The following PKP4 variants were observed in gnomAD, a reference collection of about 807,000 sequenced individuals.
PKP4 encodes plakophilin 4.
PKP4 carries 90 observed loss-of-function variants against 145.1 expected under a neutral mutation model. The ratio of observed to expected loss-of-function variants is 0.62; its 90% CI spans 0.52 to 0.74. PKP4 has a LOEUF of 0.74. PKP4 is among the 30% of genes least tolerant of loss of function. The pLI is 0.00. For missense variants in PKP4, 1,340 were observed against 1,482.7 expected (o/e 0.90, Z 1.58); for synonymous variants, 563 against 577.2 (o/e 0.98, Z 0.35).
chr2:158,469,812 C>T (rs1190257909), intron 1 of PKP4, among the ~76,000 whole-genome samples: 3 of 152,162 alleles, frequency 2.0e-5, no homozygotes, highest in Non-Finnish European at 4.4e-5. Flanking sequence ...GATATAACCT[C>T]AGCACTATTT....
intron 2 of PKP4, among the ~76,000 whole-genome samples, chr2:158,549,836 G>GT (rs1218491562): frequency 1.3e-5 from 2 of 152,030 alleles, no homozygotes; most frequent in Non-Finnish European, 2.9e-5. Flanking sequence ...CATAAAACAT[G>GT]TTTTTTTCCA....
intron 4 of PKP4, among the ~76,000 whole-genome samples, chr2:158,609,985 G>C (rs2050989858): frequency 6.6e-6 from 1 of 152,062 alleles, no homozygotes; most frequent in Admixed American, 6.6e-5. Flanking sequence ...TATTTTCTCA[G>C]GTCTTTAAAC....
Position 158,643,312 on chromosome 2 carries a change from A to T in PKP4, c.1909+613A>T, listed in dbSNP as rs564133324. 3.3e-5 allele frequency among the ~76,000 whole-genome samples: 5 copies of T among 152,248 alleles called. No individual in the cohort carries two copies. The South Asian group carries it at 1.0e-3, about 32-fold the overall frequency. On this transcript the variant is annotated intron_variant, in intron 11 of 21. Coordinates refer to ENST00000389759, the MANE Select transcript of PKP4 (RefSeq NM_003628.6). ...CATGAAACTGAAGTTGGCCTAAGGG[A>T]TGAGGAAGCATTGGCTGGATAGGCA...
intron 1 of PKP4, among the ~76,000 whole-genome samples, chr2:158,505,898 A>T (rs1420230841): frequency 6.6e-6 from 1 of 152,070 alleles, no homozygotes; most frequent in Non-Finnish European, 1.5e-5. Flanking sequence ...CCACCAGCAG[A>T]TCTGGTGAAG....
At chr2:158,546,407 C>T (rs1396900396) in intron 2 of PKP4, among the ~76,000 whole-genome samples, 1 of 152,176 alleles carries the variant, frequency 6.6e-6, no homozygotes, top group Non-Finnish European at 1.5e-5. Flanking sequence ...TTAGATGGCA[C>T]AAATAGTAAG....
At chr2:158,468,485 T>G (rs976187558) in intron 1 of PKP4, among the ~76,000 whole-genome samples, 1 of 152,226 alleles carries the variant, frequency 6.6e-6, no homozygotes, top group African/African-American at 2.4e-5. Context: ...CAGGCACATT[T>G]AATTTTCTAT....
At chr2:158,673,846 T>G in intron 18 of PKP4, 37 bp from the exon 19 acceptor site, 1 of 1,495,604 alleles carries the variant, frequency 6.7e-7, no homozygotes, top group South Asian at 1.1e-5. Flanking sequence ...ATGTCATTAT[T>G]CATTTTGAGA....
chr2:158,582,110 C>T (rs891627975), intron 3 of PKP4, among the ~76,000 whole-genome samples: 1 of 152,114 alleles, frequency 6.6e-6, no homozygotes, highest in African/African-American at 2.4e-5. Context: ...GCAGTTGTAG[C>T]CTTTCTTCAT....
chr2:158,584,321 G>A (rs1417317442), intron 3 of PKP4, among the ~76,000 whole-genome samples: 1 of 152,222 alleles, frequency 6.6e-6, no homozygotes, highest in African/African-American at 2.4e-5. Flanking sequence ...ATTCCCAAGT[G>A]CTGAATACCT....
chr2:158,581,458 G>A (rs755131433), intron 3 of PKP4, among the ~76,000 whole-genome samples: 5 of 152,148 alleles, frequency 3.3e-5, no homozygotes, highest in African/African-American at 4.8e-5. Context: ...AAAGGAAAAC[G>A]AAAAGCATTT....
intron 19 of PKP4, among the ~76,000 whole-genome samples, 156 bp downstream of exon 19, chr2:158,674,156 A>G (rs527703271): frequency 6.6e-6 from 1 of 152,256 alleles, no homozygotes; most frequent in South Asian, 2.1e-4. Context: ...ACCATTATAA[A>G]CCACAAGCCC....
intron 2 of PKP4, among the ~76,000 whole-genome samples, chr2:158,553,526 C>A (rs1181882176): frequency 6.6e-6 from 1 of 152,140 alleles, no homozygotes; most frequent in Non-Finnish European, 1.5e-5. Context: ...TGTTAGACTT[C>A]CCAAACTGTA....
intron 1 of PKP4, among the ~76,000 whole-genome samples, chr2:158,506,808 C>T (rs962699581): frequency 5.3e-5 from 8 of 152,114 alleles, no homozygotes; most frequent in Non-Finnish European, 7.4e-5. Flanking sequence ...AACTTTTACC[C>T]GATTCCCTCA....
rs1386899086 is a variant in PKP4, at chr2:158,673,985, C to T, written c.3112C>T (p.Pro1038Ser). The change falls in exon 19 of 22, where the codon CCC (proline) becomes TCC (serine). Residue 1038 changes from proline to serine, a missense_variant. Coordinates refer to ENST00000389759, the MANE Select transcript of PKP4 (RefSeq NM_003628.6). Reference protein sequence around the residue: ...SLSTTNQQMSPIIQSVGSTSS... With the variant: ...SLSTTNQQMSSIIQSVGSTSS... ...GTCTACCACCAACCAACAGATGTCA[C>T]CCATCATTCAGTCAGGTCAGTGGGA... The T allele has an allele frequency of 6.3e-7, 1 of 1,591,832 alleles. No homozygotes were observed. Among genetic ancestry groups the T allele is most frequent in the Non-Finnish European group, 8.6e-7 (1 of 1,159,554 alleles).
intron 1 of PKP4, among the ~76,000 whole-genome samples, chr2:158,480,662 TAAG>T: frequency 6.6e-6 from 1 of 152,026 alleles, no homozygotes; most frequent in South Asian, 2.1e-4. Context: ...ATTATATAAA[TAAG>T]AAATTAATAG....
intron 3 of PKP4, among the ~76,000 whole-genome samples, chr2:158,581,995 A>G (rs1478400825): frequency 6.6e-6 from 1 of 152,224 alleles, no homozygotes; most frequent in Non-Finnish European, 1.5e-5. Context: ...ATGAACTTTC[A>G]TCTGAAGTTG....
At chr2:158,537,342 T>C (rs1286571869) in intron 2 of PKP4, among the ~76,000 whole-genome samples, 5 of 152,218 alleles carry the variant, frequency 3.3e-5, no homozygotes, top group Admixed American at 2.0e-4. Flanking sequence ...CTGTCCAATT[T>C]AGTCGAAAGT....
intron 7 of PKP4, among the ~76,000 whole-genome samples, chr2:158,626,215 G>C (rs912588210): frequency 6.6e-6 from 1 of 152,154 alleles, no homozygotes; most frequent in African/African-American, 2.4e-5. Flanking sequence ...GTGGCTTTCA[G>C]AATGTTTCTT....
intron 4 of PKP4, among the ~76,000 whole-genome samples, chr2:158,606,641 A>G (rs552245932): frequency 6.6e-6 from 1 of 152,334 alleles, no homozygotes; most frequent in African/African-American, 2.4e-5. Flanking sequence ...TGTGTTACAT[A>G]CAGTTTTTTT....
Sources: allele counts gnomAD v4.1 joint callset (sites outside exome capture counted in the v4.1 genomes callset), GRCh38; gene constraint gnomAD v4.1.1; transcripts MANE v1.5; gene names NCBI Gene and HGNC (gene_info 2026-07-23, HGNC 2026-07-21).